Variants in EVC2 observed in about 807,000 individuals in gnomAD.
EVC2 encodes the protein EvC ciliary complex subunit 2, also known as limbin.
Under a neutral mutation model 149.3 loss-of-function variants are expected in EVC2, and 148 were observed. The observed-to-expected ratio is 0.99, with a 90% CI of 0.87 to 1.14. The LOEUF (loss-of-function observed/expected upper bound fraction) is 1.14. EVC2 is among the 50% of genes most tolerant of loss of function. The pLI, the probability that EVC2 is intolerant of heterozygous loss-of-function variation, is 0.00. For missense variants in EVC2, 1,854 were observed against 1,627.3 expected (o/e 1.14, Z -2.40); for synonymous variants, 776 against 649.9 (o/e 1.19, Z -2.95).
chr4:5,669,059 A>T (rs2108904752), intron 7 of EVC2, among the ~76,000 whole-genome samples: 1 of 152,324 alleles, frequency 6.6e-6, no homozygotes, highest in Non-Finnish European at 1.5e-5. Flanking sequence ...TGCAGCTATA[A>T]GCCAAGGATT....
At chr4:5,624,891 A>T (rs1353355389) in intron 13 of EVC2, among the ~76,000 whole-genome samples, 1 of 152,154 alleles carries the variant, frequency 6.6e-6, no homozygotes, top group African/African-American at 2.4e-5. Flanking sequence ...GTGTCAACCA[A>T]CTACTTGCGT....
intron 15 of EVC2, among the ~76,000 whole-genome samples, chr4:5,616,723 G>A (rs997306986): frequency 6.6e-6 from 1 of 152,238 alleles, no homozygotes; most frequent in African/African-American, 2.4e-5. Flanking sequence ...AGCAAGCGAA[G>A]GGAGCTGCGG....
At chr4:5,620,435 G>C (rs1715605286) in intron 14 of EVC2, among the ~76,000 whole-genome samples, 1 of 152,164 alleles carries the variant, frequency 6.6e-6, no homozygotes, top group African/African-American at 2.4e-5. Context: ...TCCGAAAGAA[G>C]GCTCAAAGAC....
intron 16 of EVC2, among the ~76,000 whole-genome samples, chr4:5,612,012 C>A (rs867944223): frequency 2.6e-5 from 4 of 152,210 alleles, no homozygotes; most frequent in Non-Finnish European, 5.9e-5. Flanking sequence ...TAACTTCCCT[C>A]TTCTCTCACA....
At chr4:5,673,473 T>C (rs1394764992) in intron 7 of EVC2, among the ~76,000 whole-genome samples, 1 of 152,234 alleles carries the variant, frequency 6.6e-6, no homozygotes, top group East Asian at 1.9e-4. Context: ...CAAGTTCCAC[T>C]GAGAATCACT....
At chr4:5,555,639 C>G (rs1721825583) in intron 21 of EVC2, among the ~76,000 whole-genome samples, 1 of 152,120 alleles carries the variant, frequency 6.6e-6, no homozygotes, top group Non-Finnish European at 1.5e-5. Context: ...GAAAAATATA[C>G]ACAATATTTT....
intron 12 of EVC2, among the ~76,000 whole-genome samples, chr4:5,626,250 A>C (rs1343781247): frequency 6.6e-6 from 1 of 152,172 alleles, no homozygotes; most frequent in African/African-American, 2.4e-5. Context: ...AACAAAGTCA[A>C]AGAGGCAAAG....
chr4:5,678,336 G>T (rs1047423418), intron 7 of EVC2, among the ~76,000 whole-genome samples: 1 of 152,184 alleles, frequency 6.6e-6, no homozygotes, highest in Non-Finnish European at 1.5e-5. Flanking sequence ...TACTTCACAT[G>T]TGTTAGCACA....
rs1206847993 is a variant in EVC2, at chr4:5,700,617, G to A, written c.229-2970C>T. Among the ~76,000 whole-genome samples the A allele has an allele frequency of 2.6e-5, 4 of 152,140 alleles. 1 individual carries two copies. Among genetic ancestry groups the A allele is most frequent in the African/African-American group, 9.7e-5 (4 of 41,424 alleles). ...GAGAACCCTGGGCCAGGCCTCCCAG[G>A]GCAGTCTCGCTGGTTTCTGGGCATC... On this transcript the variant is annotated intron_variant, in intron 1 of 21. Coordinates refer to ENST00000344408, the MANE Select transcript of EVC2 (RefSeq NM_147127.5).
chr4:5,533,044 A>T, the EVC2 span, among the ~76,000 whole-genome samples: 1 of 150,592 alleles, frequency 6.6e-6, no homozygotes, highest in East Asian at 1.9e-4. Flanking sequence ...TAGATGCTAG[A>T]ACGTATCACG....
At chr4:5,555,325 A>G (rs1721819038) in intron 21 of EVC2, among the ~76,000 whole-genome samples, 1 of 152,190 alleles carries the variant, frequency 6.6e-6, no homozygotes, top group Non-Finnish European at 1.5e-5. Flanking sequence ...AGCACTTAAA[A>G]TGTGAATGGA....
intron 6 of EVC2, among the ~76,000 whole-genome samples, chr4:5,684,754 G>A (rs996898285): frequency 1.3e-5 from 2 of 152,188 alleles, no homozygotes; most frequent in African/African-American, 4.8e-5. Flanking sequence ...GATGGTGACT[G>A]CATTTGGAGA....
At chr4:5,579,950 A>G (rs892088153) in intron 17 of EVC2, among the ~76,000 whole-genome samples, 1 of 152,338 alleles carries the variant, frequency 6.6e-6, no homozygotes, top group South Asian at 2.1e-4. Flanking sequence ...TTGGGGTCAC[A>G]TTATCTGTTA....
chr4:5,699,738 C>CT (rs897629375), intron 1 of EVC2, among the ~76,000 whole-genome samples: 23 of 151,352 alleles, frequency 1.5e-4, no homozygotes, highest in African/African-American at 5.3e-4. Flanking sequence ...GAAGGAATTA[C>CT]TTGGAGCCCA....
intron 3 of EVC2, among the ~76,000 whole-genome samples, chr4:5,692,935 G>A (rs113217678): frequency 0.11 from 16,644 of 150,824 alleles, 1,168 homozygotes; most frequent in Non-Finnish European, 0.16. Flanking sequence ...AAGAACACGC[G>A]GACAATATGC....
intron 16 of EVC2, among the ~76,000 whole-genome samples, chr4:5,590,106 C>A (rs558838464): frequency 5.3e-5 from 8 of 152,150 alleles, no homozygotes; most frequent in South Asian, 4.2e-4. Flanking sequence ...CCTACAGAGA[C>A]TTGTGAGGCT....
At chr4:5,551,210 A>G (rs568684243) in intron 21 of EVC2, among the ~76,000 whole-genome samples, 1 of 152,288 alleles carries the variant, frequency 6.6e-6, no homozygotes, top group East Asian at 1.9e-4. Context: ...GACAGCTTGC[A>G]TCATGCACCT....
At chr4:5,626,925 T>C (rs140766017) in intron 12 of EVC2, among the ~76,000 whole-genome samples, 1 of 152,322 alleles carries the variant, frequency 6.6e-6, no homozygotes, top group East Asian at 1.9e-4. Context: ...AATTATACCA[T>C]TGGCTTTCCT....
intron 1 of EVC2, among the ~76,000 whole-genome samples, chr4:5,700,840 C>G (rs748978819): frequency 6.6e-6 from 1 of 152,110 alleles, no homozygotes; most frequent in African/African-American, 2.4e-5. Context: ...GCCACTCCAA[C>G]GTTCCACTTA....
Sources: allele counts gnomAD v4.1 joint callset (sites outside exome capture counted in the v4.1 genomes callset), GRCh38; gene constraint gnomAD v4.1.1; transcripts MANE v1.5; gene names NCBI Gene and HGNC (gene_info 2026-07-23, HGNC 2026-07-21).